Variants in CCDC144A observed in about 807,000 individuals in gnomAD.
CCDC144A encodes the protein coiled-coil domain containing 144A, also known as coiled-coil domain-containing protein 144A.
Under a neutral mutation model 143.8 loss-of-function variants are expected in CCDC144A, and 41 were observed. The ratio of observed to expected loss-of-function variants is 0.29; its 90% CI spans 0.22 to 0.37. The LOEUF (loss-of-function observed/expected upper bound fraction) is 0.37. CCDC144A is among the 10% of genes least tolerant of loss of function. The pLI, the probability that CCDC144A is intolerant of heterozygous loss-of-function variation, is 1.00. For missense variants in CCDC144A, 637 were observed against 1,488.8 expected (o/e 0.43, Z 9.41); for synonymous variants, 242 against 517.9 (o/e 0.47, Z 7.23).
intron 12 of CCDC144A, among the ~76,000 whole-genome samples, chr17:16,739,485 G>T (rs897920739): frequency 6.6e-6 from 1 of 151,792 alleles, no homozygotes; most frequent in Non-Finnish European, 1.5e-5. Flanking sequence ...TTTTTTGTTT[G>T]TTTGTTTTGC....
intron 12 of CCDC144A, among the ~76,000 whole-genome samples, chr17:16,739,688 A>T (rs1914174185): frequency 6.6e-6 from 1 of 151,898 alleles, no homozygotes; most frequent in Non-Finnish European, 1.5e-5. Context: ...AATTTTTTTT[A>T]CACCCTTGTT....
intron 15 of CCDC144A, 113 bp from the exon 16 acceptor site, chr17:16,771,864 A>C: frequency 1.2e-6 from 1 of 802,062 alleles, no homozygotes; most frequent in Non-Finnish European, 1.9e-6. Context: ...GCAATCTTCA[A>C]GTTAGGTCTA....
At chr17:16,766,132 C>A (rs1915585170) in intron 15 of CCDC144A, 1 of 152,370 alleles carries the variant, frequency 6.6e-6, no homozygotes, top group South Asian at 2.1e-4. Context: ...AAAGGCGGGA[C>A]AATTTGAAGC....
chr17:16,675,965 G>A, the CCDC144A span, among the ~76,000 whole-genome samples: 3 of 151,520 alleles, frequency 2.0e-5, no homozygotes, highest in African/African-American at 4.8e-5. Context: ...AGCCAAGATG[G>A]TCTTGATCTC....
chr17:16,737,658 G>A (rs1460133238), intron 12 of CCDC144A: 1 of 1,293,718 alleles, frequency 7.7e-7, no homozygotes, highest in African/African-American at 1.5e-5. Context: ...GAAGAAATTG[G>A]GTCAAATCAG....
chr17:16,757,449 C>T (rs1162929702), intron 12 of CCDC144A, among the ~76,000 whole-genome samples: 1 of 152,204 alleles, frequency 6.6e-6, no homozygotes, highest in Non-Finnish European at 1.5e-5. Context: ...GTAGGACTCT[C>T]CTTGGTATTA....
chr17:16,742,348 C>T (rs1349371794), intron 12 of CCDC144A, among the ~76,000 whole-genome samples: 2 of 152,274 alleles, frequency 1.3e-5, no homozygotes, highest in South Asian at 2.1e-4. Flanking sequence ...CACTTAGTGT[C>T]ACTTAATGTC....
chr17:16,761,873 T>G (rs1285170211), intron 13 of CCDC144A, among the ~76,000 whole-genome samples, 155 bp downstream of exon 13: 3 of 152,262 alleles, frequency 2.0e-5, no homozygotes, highest in Non-Finnish European at 4.4e-5. Flanking sequence ...TTTAAATATT[T>G]TCGTTTCCAT....
At chr17:16,708,168 T>C (rs1912164275) in intron 4 of CCDC144A, among the ~76,000 whole-genome samples, 1 of 152,128 alleles carries the variant, frequency 6.6e-6, no homozygotes, top group South Asian at 2.1e-4. Context: ...TTTTAGTAAG[T>C]GTTATTAGGG....
At chr17:16,714,812 C>T (rs890944526) in intron 6 of CCDC144A, among the ~76,000 whole-genome samples, 40 of 151,954 alleles carry the variant, frequency 2.6e-4, no homozygotes, top group Middle Eastern at 3.4e-3. Flanking sequence ...ACACAATATG[C>T]CCTGTTCTCT....
rs2461841 is a variant in CCDC144A at position 16,776,192 on chromosome 17, T to G, written c.*2559T>G. On this transcript the variant is annotated 3_prime_UTR_variant, in exon 17 of 17. Transcript: ENST00000399273. ...GGATTGTCTTGGCTATTTGGGCTCT[T>G]TTTTGGTTCCATATGAATTTTAAAA... The G allele has an allele frequency of 2.0e-5, 3 of 152,316 alleles. No individual in the cohort carries two copies. The highest frequency in any genetic ancestry group is 3.8e-4 in the East Asian group (2 of 5,204). The allele number at this position is 152,316 out of a possible 1,614,324, so 9.4% of individuals were successfully genotyped here.
intron 2 of CCDC144A, among the ~76,000 whole-genome samples, chr17:16,701,978 T>C (rs1300513901): frequency 6.6e-6 from 1 of 151,906 alleles, no homozygotes; most frequent in Non-Finnish European, 1.5e-5. Context: ...CAGTGAACAC[T>C]ACAGGTGAAT....
chr17:16,678,751 G>GTTTTTTTTTTTT, the CCDC144A span, among the ~76,000 whole-genome samples: 1 of 78,052 alleles, frequency 1.3e-5, no homozygotes, highest in African/African-American at 4.6e-5. Context: ...TGGCTAATTT[G>GTTTTTTTTTTTT]TTTTTTTTTT....
At chr17:16,738,346 G>C (rs1914115471) in intron 12 of CCDC144A, among the ~76,000 whole-genome samples, 1 of 140,826 alleles carries the variant, frequency 7.1e-6, no homozygotes, top group Admixed American at 7.3e-5. Context: ...TTTACTGAGA[G>C]AGAATTCTCA....
upstream of CCDC144A, chr17:16,690,215 T>C (rs1910961297): frequency 6.6e-6 from 3 of 456,112 alleles, no homozygotes; most frequent in South Asian, 1.8e-4. Context: ...CACTGGTCTG[T>C]AACGGATTGG....
intron 12 of CCDC144A, among the ~76,000 whole-genome samples, chr17:16,760,155 T>C (rs1481250246): frequency 6.6e-6 from 1 of 152,056 alleles, no homozygotes; most frequent in African/African-American, 2.4e-5. Flanking sequence ...TGTGTGACTT[T>C]TTGTAACCAA....
intron 12 of CCDC144A, chr17:16,745,679 C>T (rs1914465359): frequency 1.2e-6 from 2 of 1,612,486 alleles, no homozygotes; most frequent in Non-Finnish European, 1.7e-6. Flanking sequence ...AACCTTCTGC[C>T]TTGCAGATCC....
intron 2 of CCDC144A, among the ~76,000 whole-genome samples, chr17:16,700,588 A>G (rs995894917): frequency 1.3e-5 from 2 of 152,204 alleles, no homozygotes; most frequent in Admixed American, 6.5e-5. Flanking sequence ...TGCCTGCTAT[A>G]TGAAATCTTT....
At chr17:16,770,401 G>A (rs1326839952) in intron 15 of CCDC144A, among the ~76,000 whole-genome samples, 3 of 151,978 alleles carry the variant, frequency 2.0e-5, no homozygotes, top group South Asian at 2.1e-4. Context: ...CTCCCGCCTC[G>A]GCCTCCCAAA....
Sources: allele counts gnomAD v4.1 joint callset (sites outside exome capture counted in the v4.1 genomes callset), GRCh38; gene constraint gnomAD v4.1.1; transcripts MANE v1.5; gene names NCBI Gene and HGNC (gene_info 2026-07-23, HGNC 2026-07-21).